Variants in ATAD2 observed in about 807,000 individuals in gnomAD.
ATAD2 encodes the protein ATPase family AAA domain-containing protein 2.
ATAD2 carries 62 observed loss-of-function variants against 168.9 expected under a neutral mutation model. The observed-to-expected ratio is 0.37, with a 90% confidence interval of 0.30 to 0.45. The LOEUF (loss-of-function observed/expected upper bound fraction) is 0.45. Among genes scored for constraint, ATAD2 ranks in the 20% least tolerant of loss-of-function variants. The pLI is 1.00. For missense variants in ATAD2, 1,419 were observed against 1,667.8 expected (o/e 0.85, Z 2.60); for synonymous variants, 613 against 571.6 (o/e 1.07, Z -1.03).
rs1586859980 is a variant in ATAD2 at position 123,334,335 on chromosome 8, T to C, written c.3212-13A>G. ...CTAATAAGACGATCTATGAAGTGAG[T>C]AAAAAATGTAATTTTTAATTTCCCC... On this transcript the variant is annotated splice_polypyrimidine_tract_variant and intron_variant, in intron 22 of 27. Coordinates refer to ENST00000287394, the MANE Select transcript of ATAD2 (RefSeq NM_014109.4). 6.7e-7 allele frequency: 1 copy of C among 1,484,300 alleles called. No homozygotes were observed. The highest frequency in any genetic ancestry group is 1.4e-5 in the African/African-American group (1 of 70,364). 91.9% of individuals were successfully genotyped at this position (1,484,300 alleles called of 1,614,324 possible).
intron 1 of ATAD2, chr8:123,401,732 C>A: frequency 1.3e-6 from 1 of 747,566 alleles, no homozygotes; most frequent in East Asian, 2.5e-5. Context: ...GATGGGCTCC[C>A]TGCTGGCTGC....
chr8:123,328,311 C>T lies in ATAD2; in HGVS notation c.3747G>A (p.Glu1249=). 1 of 1,605,858 alleles carries T rather than the reference C, an allele frequency of 6.2e-7. No individual in the cohort carries two copies. The highest frequency in any genetic ancestry group is 1.7e-5 in the Admixed American group (1 of 58,704). ...LRNNSNTCNI[E]NELEDSRKTT... The stretch of plus-strand genomic sequence containing the variant: ...TCTTCCTAGAGTCTTCAAGCTCATT[C>T]TCTATATTACAAGTATTTGAATTAT... Residue 1249 remains glutamate (E), a synonymous_variant, in exon 25 of 28, where the codon GAG becomes GAA. Transcript: ENST00000287394.
chr8:123,394,572 T>C (rs1172455569), intron 1 of ATAD2, among the ~76,000 whole-genome samples: 1 of 150,782 alleles, frequency 6.6e-6, no homozygotes, highest in Non-Finnish European at 1.5e-5. Flanking sequence ...GAGGTTGAGG[T>C]TGCGGTGAGC....
At chr8:123,327,388 T>G (rs1207119321) in intron 25 of ATAD2, among the ~76,000 whole-genome samples, 2 of 152,130 alleles carry the variant, frequency 1.3e-5, no homozygotes, top group African/African-American at 4.8e-5. Flanking sequence ...GCCAGAAGAT[T>G]AACATTTAAA....
chr8:123,360,485 G>C (rs986303399), intron 9 of ATAD2, among the ~76,000 whole-genome samples: 1 of 152,156 alleles, frequency 6.6e-6, no homozygotes, highest in African/African-American at 2.4e-5. Flanking sequence ...GGGATTACTG[G>C]TGTGCACCAC....
intron 1 of ATAD2, among the ~76,000 whole-genome samples, chr8:123,404,630 G>A (rs528980957): frequency 5.6e-4 from 84 of 150,494 alleles, no homozygotes; most frequent in African/African-American, 1.9e-3. Context: ...GCAGTGGCGC[G>A]ATCTTGGCTC....
Position 123,320,240 on chromosome 8 carries a change from T to TC in ATAD2, c.*893dup, listed in dbSNP as rs1250405326. 1 of 152,012 alleles carries TC rather than the reference T, an allele frequency of 6.6e-6. No homozygotes were observed. The highest frequency in any genetic ancestry group is 1.5e-5 in the Non-Finnish European group (1 of 67,984). 9.4% of individuals were successfully genotyped at this position (152,012 alleles called of 1,614,324 possible). On this transcript the variant is annotated 3_prime_UTR_variant, in exon 28 of 28. Coordinates refer to ENST00000287394, the MANE Select transcript of ATAD2 (RefSeq NM_014109.4). ...ACAAACTGATTATTAGAATGTCTTCTCCCCACTCTCCCCAAAAGCAAGTAT... is the reference window on the plus strand; with the variant it reads ...ACAAACTGATTATTAGAATGTCTTCTCCCCCACTCTCCCCAAAAGCAAGTAT...
At chr8:123,343,683 TGA>T (rs1491253655) in intron 19 of ATAD2, among the ~76,000 whole-genome samples, 1 of 152,124 alleles carries the variant, frequency 6.6e-6, no homozygotes, top group South Asian at 2.1e-4. Context: ...GACACAAAGG[TGA>T]CAAAAAATAG....
intron 1 of ATAD2, among the ~76,000 whole-genome samples, chr8:123,408,777 A>G (rs1586915050): frequency 6.6e-6 from 1 of 152,222 alleles, no homozygotes; most frequent in African/African-American, 2.4e-5. Context: ...TCGGCCTCCC[A>G]AAGTGTTGGG....
At chr8:123,375,209 T>C (rs767364879) in intron 2 of ATAD2, among the ~76,000 whole-genome samples, 1 of 152,276 alleles carries the variant, frequency 6.6e-6, no homozygotes, top group Non-Finnish European at 1.5e-5. Flanking sequence ...GACCTGAATG[T>C]AGGGAGAGGA....
chr8:123,320,210 A>G lies in ATAD2; in HGVS notation c.*924T>C, dbSNP rs1409176748. ...CCTCAAAAGGTTTCCAACAGAAGCT[A>G]TTTCACAAACTGATTATTAGAATGT... On this transcript the variant is annotated 3_prime_UTR_variant, in exon 28 of 28. Coordinates refer to ENST00000287394, the MANE Select transcript of ATAD2 (RefSeq NM_014109.4). 6.6e-6 allele frequency: 1 copy of G among 152,096 alleles called. No homozygotes were observed. The highest frequency in any genetic ancestry group is 1.5e-5 in the Non-Finnish European group (1 of 68,002). The allele number at this position is 152,096 out of a possible 1,614,324, so 9.4% of individuals were successfully genotyped here.
intron 24 of ATAD2, among the ~76,000 whole-genome samples, chr8:123,333,110 C>G (rs1827818959): frequency 6.6e-6 from 1 of 151,584 alleles, no homozygotes; most frequent in African/African-American, 2.4e-5. Context: ...GAGGAATGGC[C>G]AGGCGCAGTG....
chr8:123,368,594 G>A (rs1829047679), intron 8 of ATAD2, among the ~76,000 whole-genome samples: 1 of 152,082 alleles, frequency 6.6e-6, no homozygotes, highest in Non-Finnish European at 1.5e-5. Context: ...TTATAAAATA[G>A]ATCCAGAAAA....
chr8:123,345,153 C>G, intron 18 of ATAD2, 84 bp from the exon 19 acceptor site: 1 of 1,284,024 alleles, frequency 7.8e-7, no homozygotes, highest in Non-Finnish European at 1.1e-6. Context: ...AATGTTTAAC[C>G]TCCCAGGAGT....
chr8:123,321,335 ATAGATTTTACCTG>A (rs1455707312), intron 27 of ATAD2, among the ~76,000 whole-genome samples, 160 bp from the exon 28 acceptor site: 1 of 148,062 alleles, frequency 6.8e-6, no homozygotes, highest in Non-Finnish European at 1.5e-5. Context: ...AGACTGCCAC[ATAGATTTTACCTG>A]TAGGACTTCA....
In ATAD2 at chr8:123,402,606, T is replaced by A. The variant is rs1474771307; in HGVS notation, c.-2281-1431A>T. On this transcript the variant is annotated intron_variant, in intron 1 of 28. Transcript: ENST00000521903. This position sits in a 1 kb window ranked among gnomAD's most constrained non-coding sequence, Gnocchi z 4.8. ...CTGGGCTACCCTTGGGTCCTGCTCC[T>A]CAGGCCACTCCCCTGTCCCTGGCCC... 6.6e-6 allele frequency among the ~76,000 whole-genome samples: 1 copy of A among 152,018 alleles called. No individual in the cohort carries two copies. The highest frequency in any genetic ancestry group is 1.5e-5 in the Non-Finnish European group (1 of 67,964).
intron 1 of ATAD2, among the ~76,000 whole-genome samples, chr8:123,411,801 T>C (rs1205872393): frequency 3.3e-5 from 5 of 151,772 alleles, no homozygotes; most frequent in Non-Finnish European, 5.9e-5. Flanking sequence ...AAAAAGTAAT[T>C]CCTGCTTATA....
intron 11 of ATAD2, among the ~76,000 whole-genome samples, chr8:123,358,237 G>A (rs1828707078): frequency 6.6e-6 from 1 of 152,166 alleles, no homozygotes. Context: ...CTGGAGCGCA[G>A]TGGCATGATC....
At chr8:123,381,299 GAAC>G (rs886592302) in intron 1 of ATAD2, among the ~76,000 whole-genome samples, 1 of 152,084 alleles carries the variant, frequency 6.6e-6, no homozygotes, top group African/African-American at 2.4e-5. Context: ...ACAAGTTCCA[GAAC>G]AACATGGGCA....
Sources: allele counts gnomAD v4.1 joint callset (sites outside exome capture counted in the v4.1 genomes callset), GRCh38; gene constraint gnomAD v4.1.1; non-coding constraint Gnocchi (gnomAD v3.1); transcripts MANE v1.5; gene names NCBI Gene and HGNC (gene_info 2026-07-23, HGNC 2026-07-21).